Variants in KRT75 observed in about 807,000 individuals in gnomAD.
The protein encoded by KRT75 is keratin, type II cytoskeletal 75.
KRT75 carries 35 observed loss-of-function variants against 48.8 expected under a neutral mutation model. That is an observed-to-expected ratio of 0.72 (90% CI 0.55 to 0.95). The LOEUF (loss-of-function observed/expected upper bound fraction) is 0.95. Among genes scored for constraint, KRT75 ranks in the 40% least tolerant of loss-of-function variants. The probability of loss-of-function intolerance (pLI) is 0.00; values close to 1 mark genes in which losing one functional copy is unlikely to be tolerated. For missense variants in KRT75, 776 were observed against 709.9 expected (o/e 1.09, Z -1.06); for synonymous variants, 301 against 282.3 (o/e 1.07, Z -0.66).
intron 2 of KRT75, among the ~76,000 whole-genome samples, chr12:52,432,721 C>T (rs1315153138): frequency 6.6e-6 from 1 of 152,192 alleles, no homozygotes; most frequent in Non-Finnish European, 1.5e-5. Flanking sequence ...TAATTGAGCC[C>T]ATGTCCAATG....
chr12:52,433,795 G>T lies in KRT75; in HGVS notation c.498+12C>A. On this transcript the variant is annotated intron_variant, in intron 1 of 8. Coordinates refer to ENST00000252245, the MANE Select transcript of KRT75 (RefSeq NM_004693.3). ...TCCCAAACCCAAGGGGGTGGATGAA[G>T]CCCCTGCTTACCTTGTCGATGAAGG... 6.2e-7 allele frequency: 1 copy of T among 1,614,114 alleles called. No homozygotes were observed. The highest frequency in any genetic ancestry group is 8.5e-7 in the Non-Finnish European group (1 of 1,179,998).
chr12:52,432,726 C>G (rs1236824577), intron 2 of KRT75, among the ~76,000 whole-genome samples: 2 of 152,158 alleles, frequency 1.3e-5, no homozygotes, highest in African/African-American at 4.8e-5. Flanking sequence ...GAGCCCATGT[C>G]CAATGGAATT....
chr12:52,427,745 G>A (rs1057149832), intron 7 of KRT75, among the ~76,000 whole-genome samples: 11 of 152,196 alleles, frequency 7.2e-5, no homozygotes, highest in African/African-American at 2.7e-4. Flanking sequence ...CTGAGAGGTG[G>A]AGAGGTTAAG....
intron 7 of KRT75, among the ~76,000 whole-genome samples, chr12:52,427,512 T>C (rs1477292982): frequency 1.3e-5 from 2 of 152,192 alleles, no homozygotes; most frequent in Admixed American, 1.3e-4. Flanking sequence ...CTCAGACAAG[T>C]TAACTAACTT....
chr12:52,430,407 T>C (rs1940128105), intron 5 of KRT75, 134 bp downstream of exon 5: 1 of 947,200 alleles, frequency 1.1e-6, no homozygotes, highest in Non-Finnish European at 1.7e-6. Context: ...TAAGTTGTCA[T>C]AGCATCAAAG....
chr12:52,424,655 G>A lies in KRT75; in HGVS notation c.1518C>T (p.Thr506=). ...LGGGSGYSFT[T]SGGHSLGAGL... ...CTGCACCCAGGCTATGCCCACCACTGGTGGTGAAGGAGTAGCCGCTGCCCC... is the reference window on the plus strand; with the variant it reads ...CTGCACCCAGGCTATGCCCACCACTAGTGGTGAAGGAGTAGCCGCTGCCCC... The change falls in exon 9 of 9, where the codon ACC becomes ACT. Residue 506 remains threonine, a synonymous_variant. Coordinates refer to ENST00000252245, the MANE Select transcript of KRT75 (RefSeq NM_004693.3). 6.2e-7 allele frequency: 1 copy of A among 1,614,096 alleles called. No homozygotes were observed. Among genetic ancestry groups the A allele is most frequent in the Non-Finnish European group, 8.5e-7 (1 of 1,179,912 alleles).
Position 52,428,606 on chromosome 12 carries a change from C to T in KRT75, c.1161+12G>A. 1.2e-6 allele frequency: 2 copies of T among 1,614,210 alleles called. No homozygotes were observed. Among genetic ancestry groups the T allele is most frequent in the East Asian group, 2.2e-5 (1 of 44,884 alleles). On this transcript the variant is annotated intron_variant, in intron 6 of 8. Transcript: ENST00000252245. ...AGCATTTGAGGAGCTCTTGGCCCTG[C>T]CAAATCTTTACCTGCTTCTTGACGC...
rs778392734 is a variant in KRT75 at position 52,431,599 on chromosome 12, C to T, written c.814G>A (p.Ala272Thr). 1.2e-6 allele frequency: 2 copies of T among 1,614,120 alleles called. No homozygotes were observed. The highest frequency in any genetic ancestry group is 1.7e-6 in the Non-Finnish European group (2 of 1,179,934). The change falls in exon 4 of 9, where the codon GCC (alanine) becomes ACC (threonine). Residue 272 changes from alanine to threonine, a missense_variant. By Grantham distance (58) the Ala-to-Thr change is moderately conservative. Coordinates refer to ENST00000252245, the MANE Select transcript of KRT75 (RefSeq NM_004693.3). ...TCCTCGGGCAGAGATTTGACCTTGG[C>T]TTCCAGCTCCACCTTGTTCATATAG... is the stretch of plus-strand genomic sequence containing the variant. ...AAYMNKVELE[A>T]KVKSLPEEIN... is the part of the protein sequence containing the mutation.
rs146836152 is a variant in KRT75 at position 52,434,212 on chromosome 12, G to T, written c.93C>A (p.Arg31=). The T allele has an allele frequency of 3.1e-6, 5 of 1,600,346 alleles. No homozygotes were observed. The South Asian group carries it at 5.6e-5, about 18-fold the overall frequency. ...SAITPAAGRS[R]FSSVSVARSA... Reference sequence around the variant, plus strand: ...AGCGGGCCACAGAGACAGAGCTGAAGCGGGAGCGGCCAGCTGCCGGGGTGA... The same window carrying T: ...AGCGGGCCACAGAGACAGAGCTGAATCGGGAGCGGCCAGCTGCCGGGGTGA... Residue 31 remains arginine (R), a synonymous_variant, in exon 1 of 9, where the codon CGC becomes CGA. Transcript: ENST00000252245.
intron 7 of KRT75, among the ~76,000 whole-genome samples, chr12:52,427,094 T>C (rs1231941903): frequency 6.6e-6 from 1 of 152,148 alleles, no homozygotes; most frequent in Non-Finnish European, 1.5e-5. Context: ...ATCTCAGAAA[T>C]ACAATTTTTG....
chr12:52,433,675 C>T (rs2121513238), intron 1 of KRT75, 132 bp downstream of exon 1: 5 of 1,419,342 alleles, frequency 3.5e-6, no homozygotes, highest in Non-Finnish European at 4.9e-6. Flanking sequence ...GTCTCAGCCC[C>T]TGGGAGCCCG....
Position 52,428,411 on chromosome 12 carries a change from T to C in KRT75, c.1227A>G (p.Ala409=), listed in dbSNP as rs529123599. The part of the protein sequence containing the change: ...EQRGELALKD[A]RAKLVDLEEA... ...CCTCAAGGTCCACCAGCTTGGCCCGTGCATCCTTGAGAGCCAGTTCTCCCC... is the reference window on the plus strand; with the variant it reads ...CCTCAAGGTCCACCAGCTTGGCCCGCGCATCCTTGAGAGCCAGTTCTCCCC... Residue 409 remains alanine, a synonymous_variant, in exon 7 of 9, where the codon GCA becomes GCG. Coordinates refer to ENST00000252245, the MANE Select transcript of KRT75 (RefSeq NM_004693.3). The C allele has an allele frequency of 7.4e-6, 12 of 1,614,170 alleles. No individual in the cohort carries two copies. In the Middle Eastern group the frequency reaches 8.2e-4, roughly 111 times the overall value.
chr12:52,429,709 C>G (rs1044356880), intron 5 of KRT75, among the ~76,000 whole-genome samples: 4 of 152,168 alleles, frequency 2.6e-5, no homozygotes, highest in Non-Finnish European at 4.4e-5. Context: ...CCTGTGGAAC[C>G]CTGGTCCCTG....
chr12:52,431,349 A>G (rs891840134), intron 4 of KRT75, among the ~76,000 whole-genome samples, 194 bp downstream of exon 4: 8 of 152,162 alleles, frequency 5.3e-5, no homozygotes, highest in African/African-American at 1.9e-4. Flanking sequence ...GGGGAGAAGC[A>G]TCAGAGCTGG....
At chr12:52,432,337 A>G (rs946147011) in intron 2 of KRT75, among the ~76,000 whole-genome samples, 1 of 152,246 alleles carries the variant, frequency 6.6e-6, no homozygotes, top group Admixed American at 6.5e-5. Context: ...CCATCTTTTG[A>G]TAGATATGCA....
In KRT75 at chr12:52,433,083, G is replaced by A. The variant is rs377349091; in HGVS notation, c.668C>T (p.Ala223Val). The change falls in exon 2 of 9, where the codon GCT becomes GTT. Residue 223 changes from alanine (A) to valine (V), a missense_variant. Coordinates refer to ENST00000252245, the MANE Select transcript of KRT75 (RefSeq NM_004693.3). The stretch of plus-strand genomic sequence containing the variant: ...AACATCCTGCATGTTCCTCAGTTCA[G>A]CTTCAAGCCTGCCCCTCTCGGTGGT... ...SITTERGRLE[A>V]ELRNMQDVVE... The A allele has an allele frequency of 2.5e-6, 4 of 1,613,710 alleles. No individual in the cohort carries two copies. The African/African-American group carries it at 5.3e-5, about 22-fold the overall frequency.
chr12:52,428,233 T>A (rs1565791573), intron 7 of KRT75, 23 bp downstream of exon 7: 4 of 1,613,050 alleles, frequency 2.5e-6, no homozygotes, highest in Non-Finnish European at 3.4e-6. Context: ...GCTTTGAGGA[T>A]GAAGTTGGTG....
intron 8 of KRT75, 49 bp from the exon 9 acceptor site, chr12:52,424,804 C>T: frequency 1.4e-6 from 2 of 1,455,978 alleles, no homozygotes; most frequent in Admixed American, 1.7e-5. Context: ...AGCGAGAAGA[C>T]AGCTGGGAGT....
chr12:52,424,738 G>T lies in KRT75; in HGVS notation c.1435C>A (p.Leu479Ile), dbSNP rs200603993. Reference sequence around the variant, plus strand: ...CTGCCGCTTCCATAGCCACTGGAAAGAGTAGAGGTGACCACAGCTGCCGGG... The same window carrying T: ...CTGCCGCTTCCATAGCCACTGGAAATAGTAGAGGTGACCACAGCTGCCGGG... ...PVNISVVTST[L>I]SSGYGSGSSI... is the part of the protein sequence containing the mutation. The change falls in exon 9 of 9, where the codon CTT becomes ATT. Residue 479 changes from leucine (L) to isoleucine (I), a missense_variant. Transcript: ENST00000252245. 1 of 1,613,624 alleles carries T rather than the reference G, an allele frequency of 6.2e-7. No individual in the cohort carries two copies. Among genetic ancestry groups the T allele is most frequent in the East Asian group, 2.2e-5 (1 of 44,880 alleles).
Sources: gnomAD v4.1 joint callset for allele counts (sites outside exome capture counted in the v4.1 genomes callset) on GRCh38, gnomAD v4.1.1 for gene constraint, MANE v1.5 for transcripts, NCBI Gene and HGNC (gene_info 2026-07-23, HGNC 2026-07-21) for gene names.